ATF7IP: variants seen among roughly 807,000 people sequenced by gnomAD.
The protein encoded by ATF7IP is activating transcription factor 7 interacting protein.
Under a neutral mutation model 106.4 loss-of-function variants are expected in ATF7IP, and 23 were observed. The observed-to-expected ratio is 0.22, with a 90% CI of 0.16 to 0.31. The LOEUF is 0.31. Among genes scored for constraint, ATF7IP ranks in the 10% least tolerant of loss-of-function variants. ATF7IP has a pLI of 1.00. For synonymous variants in ATF7IP, 542 were observed against 539.0 expected (o/e 1.01, Z -0.08); for missense variants, 1,334 against 1,524.3 (o/e 0.88, Z 2.08).
intron 9 of ATF7IP, 34 bp downstream of exon 9, chr12:14,461,167 C>T (rs202233447): frequency 1.8e-5 from 29 of 1,578,942 alleles, no homozygotes; most frequent in Non-Finnish European, 2.4e-5. Context: ...ACTAGAAATG[C>T]AAGCATCTTA....
At chr12:14,422,575 C>T (rs932886663) in intron 1 of ATF7IP, among the ~76,000 whole-genome samples, 3 of 152,128 alleles carry the variant, frequency 2.0e-5, no homozygotes, top group African/African-American at 7.2e-5. Flanking sequence ...AATCTTCCAA[C>T]CCTAGGTAGT....
At chr12:14,436,499 C>CT (rs1234099757) in intron 4 of ATF7IP, among the ~76,000 whole-genome samples, 1 of 152,154 alleles carries the variant, frequency 6.6e-6, no homozygotes, top group Non-Finnish European at 1.5e-5. Flanking sequence ...CAAGACCAGC[C>CT]TGACCAACAT....
intron 13 of ATF7IP, among the ~76,000 whole-genome samples, chr12:14,484,101 C>A (rs748328086): frequency 7.9e-5 from 12 of 152,172 alleles, no homozygotes; most frequent in South Asian, 2.1e-4. Context: ...CGGTAGCTAG[C>A]TGATCACCCC....
Position 14,486,989 on chromosome 12 carries a change from C to T in ATF7IP, c.3280+5804C>T, listed in dbSNP as rs563405004. On this transcript the variant is annotated intron_variant, in intron 13 of 14. Coordinates refer to ENST00000261168, the MANE Select transcript of ATF7IP (RefSeq NM_018179.5). ...CTAGCTCTAAAGTGACTGATTCACT[C>T]TACCATCCCAATCTCCTTAGTCTTT... Among the ~76,000 whole-genome samples the T allele has an allele frequency of 1.8e-4, 28 of 152,338 alleles. No homozygotes were observed. The South Asian group carries it at 5.6e-3, about 30-fold the overall frequency.
At chr12:14,395,961 A>C (rs1463834919) in intron 1 of ATF7IP, among the ~76,000 whole-genome samples, 1 of 152,212 alleles carries the variant, frequency 6.6e-6, no homozygotes, top group African/African-American at 2.4e-5. Flanking sequence ...GAAATATTGT[A>C]TACAAAAATA....
chr12:14,435,116 A>G (rs576677851), intron 3 of ATF7IP, among the ~76,000 whole-genome samples: 19 of 151,264 alleles, frequency 1.3e-4, no homozygotes, highest in Admixed American at 1.2e-3. Context: ...AGGGAGGGAG[A>G]CAGGAAGGAA....
chr12:14,425,394 G>T lies in ATF7IP; in HGVS notation c.1479G>T (p.Leu493=). The part of the protein sequence containing the change: ...SSESLPKEAF[L]VLSDEEDISG... ...AGAGTTTGCCAAAAGAAGCCTTTCT[G>T]GTCCTCTCTGATGAAGAGGATATTT... The change falls in exon 2 of 15, where the codon CTG becomes CTT. Residue 493 remains leucine, a synonymous_variant. Coordinates refer to ENST00000261168, the MANE Select transcript of ATF7IP (RefSeq NM_018179.5). The T allele has an allele frequency of 1.9e-6, 3 of 1,610,922 alleles. No homozygotes were observed. The highest frequency in any genetic ancestry group is 2.5e-6 in the Non-Finnish European group (3 of 1,179,114).
At chr12:14,472,530 G>A (rs1361220025) in intron 10 of ATF7IP, among the ~76,000 whole-genome samples, 1 of 152,032 alleles carries the variant, frequency 6.6e-6, no homozygotes, top group Admixed American at 6.6e-5. Context: ...AGTAACTTTT[G>A]TTGCCCTTTC....
intron 2 of ATF7IP, among the ~76,000 whole-genome samples, chr12:14,433,645 G>A (rs2136605992): frequency 6.6e-6 from 1 of 151,648 alleles, no homozygotes. Flanking sequence ...ACTCCAGCCT[G>A]GGCGACAAGA....
intron 1 of ATF7IP, among the ~76,000 whole-genome samples, chr12:14,382,514 T>A (rs921551448): frequency 1.3e-4 from 20 of 152,206 alleles, no homozygotes; most frequent in Non-Finnish European, 2.2e-4. Flanking sequence ...GCCTGAAAAG[T>A]GCCCTACAAA....
chr12:14,368,098 G>A (rs555383234), intron 1 of ATF7IP, among the ~76,000 whole-genome samples: 1 of 152,078 alleles, frequency 6.6e-6, no homozygotes, highest in Admixed American at 6.5e-5. Flanking sequence ...TTGCATATGT[G>A]ATAAATGTAT....
At chr12:14,400,397 T>C (rs1940125622) in intron 1 of ATF7IP, among the ~76,000 whole-genome samples, 1 of 152,190 alleles carries the variant, frequency 6.6e-6, no homozygotes, top group South Asian at 2.1e-4. Flanking sequence ...CAGACTTTGT[T>C]ATTTCAGTTT....
chr12:14,434,361 A>G lies in ATF7IP; in HGVS notation c.1583A>G (p.Asp528Gly), dbSNP rs1320901907. Reference protein sequence around the residue: ...SPAEVESNEKDNKPEEEEQVI... With the variant: ...SPAEVESNEKGNKPEEEEQVI... Reference sequence around the variant, plus strand: ...GCAGAAGTAGAAAGTAATGAAAAGGACAACAAACCTGAGGAAGAAGAGCAA... The same window carrying G: ...GCAGAAGTAGAAAGTAATGAAAAGGGCAACAAACCTGAGGAAGAAGAGCAA... The change falls in exon 3 of 15, where the codon GAC (aspartate) becomes GGC (glycine). Residue 528 changes from aspartate to glycine, a missense_variant. Physicochemically the swap from Asp to Gly is moderately conservative, Grantham distance 94. Coordinates refer to ENST00000261168, the MANE Select transcript of ATF7IP (RefSeq NM_018179.5). The G allele has an allele frequency of 1.3e-6, 2 of 1,585,328 alleles. No homozygotes were observed. The highest frequency in any genetic ancestry group is 3.4e-5 in the Admixed American group (2 of 58,620).
At chr12:14,429,031 A>G (rs919838885) in intron 2 of ATF7IP, among the ~76,000 whole-genome samples, 28 of 152,174 alleles carry the variant, frequency 1.8e-4, no homozygotes, top group Admixed American at 6.5e-4. Context: ...TCGCCATACC[A>G]TATACTTTCC....
Position 14,497,533 on chromosome 12 carries a change from T to G in ATF7IP, c.3394-121T>G, listed in dbSNP as rs75362726. On this transcript the variant is annotated intron_variant, in intron 14 of 14. Transcript: ENST00000261168. ...CCAAATTTGATATGGTATTTGGTAT[T>G]TCCTAGAATTCTTGATATAAAATGA... The G allele has an allele frequency of 6.1e-4, 648 of 1,055,488 alleles. 9 individuals are homozygous for G. In the East Asian group the frequency reaches 0.017, roughly 27 times the overall value. The allele number at this position is 1,055,488 out of a possible 1,614,324, so 65.4% of individuals were successfully genotyped here.
At chr12:14,460,385 A>T in intron 8 of ATF7IP, 110 bp from the exon 9 acceptor site, 1 of 1,085,940 alleles carries the variant, frequency 9.2e-7, no homozygotes, top group Non-Finnish European at 1.3e-6. Context: ...AAAAGACTTT[A>T]CAGTCTTTGC....
rs186018716 is a variant in ATF7IP at position 14,436,959 on chromosome 12, T to C, written c.1791+708T>C. Among the ~76,000 whole-genome samples the C allele has an allele frequency of 3.3e-5, 5 of 152,266 alleles. 1 individual carries two copies. Among genetic ancestry groups the C allele is most frequent in the African/African-American group, 1.2e-4 (5 of 41,554 alleles). ...TGTTAGAGTTTTAAATATTAGCATTTTAATCTTTATAAAGCTGGTTTCATG... is the reference window on the plus strand; with the variant it reads ...TGTTAGAGTTTTAAATATTAGCATTCTAATCTTTATAAAGCTGGTTTCATG... On this transcript the variant is annotated intron_variant, in intron 4 of 14. Transcript: ENST00000261168.
intron 1 of ATF7IP, among the ~76,000 whole-genome samples, chr12:14,376,701 G>A (rs1938750496): frequency 6.6e-6 from 1 of 152,146 alleles, no homozygotes; most frequent in African/African-American, 2.4e-5. Context: ...GGTTTTTTGG[G>A]AAATACTATT....
chr12:14,427,235 A>G (rs1047333013), intron 2 of ATF7IP, among the ~76,000 whole-genome samples: 8 of 151,276 alleles, frequency 5.3e-5, no homozygotes, highest in African/African-American at 1.9e-4. Context: ...TGATCCTCCC[A>G]CCTAAGCCCC....
Sources: allele counts gnomAD v4.1 joint callset (sites outside exome capture counted in the v4.1 genomes callset), GRCh38; gene constraint gnomAD v4.1.1; transcripts MANE v1.5; gene names NCBI Gene and HGNC (gene_info 2026-07-23, HGNC 2026-07-21).